Variants in ARL13A observed in about 807,000 individuals in gnomAD.
ARL13A encodes the protein ADP-ribosylation factor-like protein 13A.
ARL13A carries 16 observed loss-of-function variants against 19.1 expected under a neutral mutation model. That is an observed-to-expected ratio of 0.84 (90% CI 0.57 to 1.27). The LOEUF (loss-of-function observed/expected upper bound fraction) is 1.27, where lower values mean the gene tolerates loss of function less well. ARL13A is among the 50% of genes most tolerant of loss of function. ARL13A has a pLI of 0.00. For synonymous variants in ARL13A, 69 were observed against 71.3 expected (o/e 0.97, Z 0.17); for missense variants, 153 against 186.4 (o/e 0.82, Z 1.04).
chrX:100,979,067 CTTA>C (rs767201505), intron 3 of ARL13A, among the ~76,000 whole-genome samples: 2 of 111,685 alleles, frequency 1.8e-5, no homozygotes, highest in Admixed American at 9.5e-5. Context: ...CTATTTATAT[CTTA>C]TTATACTGTC....
chrX:100,990,725 A>C lies in ARL13A; in HGVS notation c.*137A>C. ...AATAAGTCATGGGTGATCAACCAAA[A>C]CTGAGCCTTAGAAATACAGGGTTCA... On this transcript the variant is annotated 3_prime_UTR_variant, in exon 8 of 8. Coordinates refer to ENST00000450049, the MANE Select transcript of ARL13A (RefSeq NM_001162491.2). The C allele has an allele frequency of 1.7e-6, 1 of 584,023 alleles. No homozygotes were observed. The allele number at this position is 584,023 out of a possible 1,213,427, so 48.1% of individuals were successfully genotyped here.
intron 1 of ARL13A, 73 bp downstream of exon 1, chrX:100,969,882 T>G (rs1456654166): frequency 8.9e-6 from 1 of 112,366 alleles, no homozygotes; most frequent in South Asian, 3.7e-4. Flanking sequence ...TTGAGGTGAT[T>G]TCACTTCAGG....
chrX:100,979,922 C>CTTT (rs760460273), intron 3 of ARL13A, among the ~76,000 whole-genome samples: 1 of 111,579 alleles, frequency 9.0e-6, no homozygotes, highest in African/African-American at 3.3e-5. Context: ...GTCTCTTGTT[C>CTTT]TTTTCCCTTA....
chrX:100,979,873 G>C (rs1330639501), intron 3 of ARL13A, among the ~76,000 whole-genome samples: 1 of 111,915 alleles, frequency 8.9e-6, no homozygotes, highest in Non-Finnish European at 1.9e-5. Context: ...TGGTGGTCTT[G>C]GGTAAGATCT....
At chrX:100,988,068 T>C in intron 6 of ARL13A, 125 bp from the exon 7 acceptor site, 1 of 511,665 alleles carries the variant, frequency 2.0e-6, no homozygotes, top group Non-Finnish European at 3.3e-6. Flanking sequence ...CTAAACATCC[T>C]CTTGCTCTGT....
Position 100,971,400 on chromosome X carries a change from C to T in ARL13A, c.-15+1591C>T, listed in dbSNP as rs1260506403. ...TTCTCTTAGGCATCATCCCAACCTCCGCAAGGTTGAATAAACATATTCTTA... is the reference window on the plus strand; with the variant it reads ...TTCTCTTAGGCATCATCCCAACCTCTGCAAGGTTGAATAAACATATTCTTA... On this transcript the variant is annotated intron_variant, in intron 1 of 7. Coordinates refer to ENST00000450049, the MANE Select transcript of ARL13A (RefSeq NM_001162491.2). Among the ~76,000 whole-genome samples, 118 of 108,729 alleles carry T rather than the reference C, an allele frequency of 1.1e-3. 1 individual carries two copies. Among genetic ancestry groups the T allele is most frequent in the Admixed American group, 6.5e-3 (66 of 10,143 alleles). 94.4% of individuals were successfully genotyped at this position (108,729 alleles called of 115,157 possible).
At chrX:100,990,200 C>A (rs2086000008) in intron 7 of ARL13A, 3 of 254,658 alleles carry the variant, frequency 1.2e-5, no homozygotes, top group Non-Finnish European at 1.6e-5. Flanking sequence ...GGATGGGCAC[C>A]TCATGGGGTG....
chrX:100,972,997 C>T (rs1390186314), intron 1 of ARL13A, among the ~76,000 whole-genome samples: 2 of 8,097 alleles, frequency 2.5e-4, no homozygotes, highest in African/African-American at 4.1e-4. Flanking sequence ...ACTTCTCAGA[C>T]GGGGCGGCCG....
chrX:100,989,958 G>C (rs2085996596), intron 7 of ARL13A, among the ~76,000 whole-genome samples: 2 of 112,679 alleles, frequency 1.8e-5, no homozygotes, highest in Admixed American at 1.9e-4. Context: ...TGGTAGAAGA[G>C]GAAGTGTTTT....
intron 7 of ARL13A, 156 bp downstream of exon 7, chrX:100,988,439 C>G (rs757017918): frequency 5.2e-5 from 62 of 1,196,986 alleles, no homozygotes; most frequent in Admixed American, 6.7e-5. Flanking sequence ...TTAGATGAAC[C>G]CATGAAAGAA....
intron 2 of ARL13A, 140 bp downstream of exon 2, chrX:100,973,888 G>C: frequency 1.4e-6 from 1 of 704,761 alleles, no homozygotes; most frequent in Middle Eastern, 4.2e-4. Flanking sequence ...TGGGGGCAGG[G>C]TTGAGGAGGG....
chrX:100,970,071 C>T (rs749843567), intron 1 of ARL13A, among the ~76,000 whole-genome samples: 33 of 112,368 alleles, frequency 2.9e-4, no homozygotes, highest in African/African-American at 1.1e-3. Flanking sequence ...TTAGAAGGCT[C>T]TGCCAATTAT....
At chrX:100,981,655 A>G (rs1278930403) in intron 3 of ARL13A, among the ~76,000 whole-genome samples, 1 of 107,935 alleles carries the variant, frequency 9.3e-6, no homozygotes, top group Non-Finnish European at 1.9e-5. Context: ...AAAGAAAAAA[A>G]AAAATTAGCC....
At chrX:100,973,839 A>G in intron 2 of ARL13A, 91 bp downstream of exon 2, 3 of 951,767 alleles carry the variant, frequency 3.2e-6, no homozygotes, top group African/African-American at 1.9e-5. Flanking sequence ...TTCATAATAT[A>G]TATTGTTAGG....
chrX:100,973,919 A>C (rs2085720176), intron 2 of ARL13A, among the ~76,000 whole-genome samples, 171 bp downstream of exon 2: 1 of 111,423 alleles, frequency 9.0e-6, no homozygotes, highest in Non-Finnish European at 1.9e-5. Flanking sequence ...GTACAAGGTT[A>C]AGTGAATCAG....
intron 7 of ARL13A, 80 bp from the exon 8 acceptor site, chrX:100,990,482 C>A: frequency 9.9e-7 from 1 of 1,008,515 alleles, no homozygotes; most frequent in Non-Finnish European, 1.3e-6. Flanking sequence ...GATAATATTT[C>A]TACACTCCCC....
At chrX:100,988,397 G>A in intron 7 of ARL13A, 114 bp downstream of exon 7, 1 of 1,204,183 alleles carries the variant, frequency 8.3e-7, no homozygotes, top group Non-Finnish European at 1.1e-6. Context: ...ACGAGATTAT[G>A]GTCTAAAAAG....
chrX:100,976,544 T>C (rs564014556), intron 3 of ARL13A, among the ~76,000 whole-genome samples: 1 of 111,828 alleles, frequency 8.9e-6, no homozygotes, highest in Admixed American at 9.5e-5. Flanking sequence ...ACCTAGTAGG[T>C]TGCTCTGTGC....
chrX:100,982,792 A>G (rs1347056170), intron 3 of ARL13A, among the ~76,000 whole-genome samples: 2 of 109,320 alleles, frequency 1.8e-5, no homozygotes, highest in African/African-American at 6.7e-5. Context: ...AGTAGCTGGG[A>G]CTACAGGTGT....
Sources: allele counts gnomAD v4.1 joint callset (sites outside exome capture counted in the v4.1 genomes callset), GRCh38; gene constraint gnomAD v4.1.1; transcripts MANE v1.5; gene names NCBI Gene and HGNC (gene_info 2026-07-23, HGNC 2026-07-21).